Variants in EFCAB11 observed in about 807,000 individuals in gnomAD.
The protein encoded by EFCAB11 is EF-hand calcium-binding domain-containing protein 11.
Under a neutral mutation model 23.0 loss-of-function variants are expected in EFCAB11, and 14 were observed. The ratio of observed to expected loss-of-function variants is 0.61; its 90% CI spans 0.40 to 0.95. EFCAB11 has a LOEUF of 0.95. Among genes scored for constraint, EFCAB11 ranks in the 40% least tolerant of loss-of-function variants. The pLI is 0.00. For synonymous variants in EFCAB11, 65 were observed against 66.6 expected, an observed-to-expected ratio of 0.98 and a Z score of 0.11; for missense variants, 198 against 195.8, an observed-to-expected ratio of 1.01 and a Z score of -0.07.
intron 5 of EFCAB11, among the ~76,000 whole-genome samples, chr14:89,807,664 G>A (rs1190761549): frequency 6.6e-6 from 1 of 152,154 alleles, no homozygotes; most frequent in African/African-American, 2.4e-5. Context: ...CTCAGAGTCA[G>A]AAAATACCAG....
rs1241201851 is a variant in EFCAB11 at position 89,847,002 on chromosome 14, C to T, written c.411-49678G>A. ...GATACATCTATGTCTTAAATATCTCCCTGGATTCCAAATAGCTTATTTAGC... is the reference window on the plus strand; with the variant it reads ...GATACATCTATGTCTTAAATATCTCTCTGGATTCCAAATAGCTTATTTAGC... On this transcript the variant is annotated intron_variant, in intron 5 of 5. Transcript: ENST00000316738. 4.6e-5 allele frequency among the ~76,000 whole-genome samples: 7 copies of T among 152,284 alleles called. 1 individual carries two copies. In the East Asian group the frequency reaches 1.3e-3, roughly 29 times the overall value.
intron 5 of EFCAB11, chr14:89,892,219 C>T (rs367686158): frequency 7.5e-6 from 12 of 1,604,388 alleles, no homozygotes; most frequent in Middle Eastern, 1.6e-4. Context: ...CCCAGGAGGC[C>T]GAGGAGCTAG....
intron 5 of EFCAB11, among the ~76,000 whole-genome samples, chr14:89,820,811 G>A (rs1183832039): frequency 1.3e-5 from 2 of 152,054 alleles, no homozygotes; most frequent in Non-Finnish European, 2.9e-5. Flanking sequence ...GCTAGGCTAT[G>A]ATGCCCAGTT....
chr14:89,927,376 G>A (rs1013437900), intron 5 of EFCAB11, among the ~76,000 whole-genome samples: 2 of 152,202 alleles, frequency 1.3e-5, no homozygotes, highest in Non-Finnish European at 2.9e-5. Context: ...GGCCTAATTA[G>A]AATTCTCCCT....
intron 2 of EFCAB11, among the ~76,000 whole-genome samples, chr14:89,952,892 G>C (rs1056341987): frequency 2.6e-5 from 4 of 152,100 alleles, no homozygotes; most frequent in African/African-American, 9.7e-5. Flanking sequence ...TCTTGAATCT[G>C]GACAATATCT....
chr14:89,798,495 TATTAA>T (rs1885651664), intron 5 of EFCAB11, among the ~76,000 whole-genome samples: 1 of 152,278 alleles, frequency 6.6e-6, no homozygotes. Flanking sequence ...TCATCCCTTT[TATTAA>T]ATTAGATAAT....
intron 5 of EFCAB11, among the ~76,000 whole-genome samples, chr14:89,882,459 T>C (rs1888632077): frequency 6.6e-6 from 1 of 152,346 alleles, no homozygotes; most frequent in Non-Finnish European, 1.5e-5. Flanking sequence ...AGAGATCATC[T>C]GTGAGAAACC....
rs371482633 is a variant in EFCAB11 at position 89,892,227 on chromosome 14, T to C, written c.410+39314A>G. ...GTCTCAGCCCAGGAGGCCGAGGAGC[T>C]AGCTGCCTCCCTGGGCATGGCCTTC... On this transcript the variant is annotated intron_variant, in intron 5 of 5. Coordinates refer to ENST00000316738, the MANE Select transcript of EFCAB11 (RefSeq NM_145231.4). The C allele has an allele frequency of 3.8e-5, 61 of 1,608,904 alleles. 1 individual carries two copies. The East Asian group carries it at 9.4e-4, about 25-fold the overall frequency.
At chr14:89,839,737 A>G (rs1266113647) in intron 5 of EFCAB11, among the ~76,000 whole-genome samples, 5 of 151,762 alleles carry the variant, frequency 3.3e-5, no homozygotes, top group Admixed American at 1.3e-4. Context: ...CAGGAAACTT[A>G]CAATCATGGT....
intron 1 of EFCAB11, 57 bp from the exon 2 acceptor site, chr14:89,954,058 T>C (rs1435205919): frequency 8.2e-6 from 12 of 1,457,216 alleles, no homozygotes; most frequent in Non-Finnish European, 1.0e-5. Flanking sequence ...TTTTTATTAC[T>C]AGTTTATTAT....
chr14:89,851,433 CA>C (rs1422521515), intron 5 of EFCAB11, among the ~76,000 whole-genome samples: 1 of 152,158 alleles, frequency 6.6e-6, no homozygotes, highest in Non-Finnish European at 1.5e-5. Flanking sequence ...AAGGAAAAAA[CA>C]AAACTTGGCT....
chr14:89,800,944 G>A (rs1885756980), intron 5 of EFCAB11, among the ~76,000 whole-genome samples: 1 of 151,716 alleles, frequency 6.6e-6, no homozygotes, highest in African/African-American at 2.4e-5. Flanking sequence ...TCGGGAGGCT[G>A]AGGCAGGAGA....
intron 5 of EFCAB11, among the ~76,000 whole-genome samples, chr14:89,882,982 C>T (rs987508100): frequency 1.3e-5 from 2 of 151,984 alleles, no homozygotes; most frequent in South Asian, 2.1e-4. Context: ...TAAGAAGAGC[C>T]GGGCGCCTCC....
intron 5 of EFCAB11, chr14:89,836,968 G>A (rs1596392503): frequency 2.2e-6 from 1 of 453,638 alleles, no homozygotes; most frequent in Non-Finnish European, 4.4e-6. Context: ...GCTGCAGTGA[G>A]CCAAGACTGT....
chr14:89,916,266 T>C lies in EFCAB11; in HGVS notation c.410+15275A>G, dbSNP rs569351386. Among the ~76,000 whole-genome samples the C allele has an allele frequency of 2.0e-4, 31 of 152,238 alleles. No individual in the cohort carries two copies. The East Asian group carries it at 5.0e-3, about 25-fold the overall frequency. On this transcript the variant is annotated intron_variant, in intron 5 of 5. Coordinates refer to ENST00000316738, the MANE Select transcript of EFCAB11 (RefSeq NM_145231.4). ...ATAAATTTGTAACCCACAGAATAAA[T>C]GGCACCAACTCTATGACAAAACTGG...
chr14:89,868,632 T>C (rs1443054388), intron 5 of EFCAB11, among the ~76,000 whole-genome samples: 1 of 152,238 alleles, frequency 6.6e-6, no homozygotes, highest in Non-Finnish European at 1.5e-5. Flanking sequence ...AGGCCAGTTC[T>C]GGCTACTTTT....
intron 5 of EFCAB11, among the ~76,000 whole-genome samples, chr14:89,900,313 A>T (rs1485915029): frequency 1.3e-5 from 2 of 151,746 alleles, no homozygotes; most frequent in African/African-American, 4.8e-5. Context: ...ACGAATGATT[A>T]AAAAAAAATC....
Position 89,954,616 on chromosome 14 carries a change from G to A in EFCAB11, c.45C>T (p.Ala15=), listed in dbSNP as rs1386129951. 2 of 1,613,652 alleles carry A rather than the reference G, an allele frequency of 1.2e-6. No individual in the cohort carries two copies. Among genetic ancestry groups the A allele is most frequent in the African/African-American group, 2.7e-5 (2 of 74,928 alleles). Residue 15 remains alanine, a synonymous_variant, in exon 1 of 6, where the codon GCC becomes GCT. Coordinates refer to ENST00000316738, the MANE Select transcript of EFCAB11 (RefSeq NM_145231.4). ...EARARSRTWE[A]SPSEHRKWVE... ...CCCACTTCCTGTGTTCCGAGGGACTGGCTTCCCACGTCCGCGACCTGGCTC... is the reference window on the plus strand; with the variant it reads ...CCCACTTCCTGTGTTCCGAGGGACTAGCTTCCCACGTCCGCGACCTGGCTC...
chr14:89,856,310 C>T (rs1887751153), intron 5 of EFCAB11, among the ~76,000 whole-genome samples: 2 of 151,568 alleles, frequency 1.3e-5, no homozygotes, highest in African/African-American at 4.8e-5. Flanking sequence ...TGGCTTAGTC[C>T]CCCAAATAAC....
Sources: gnomAD v4.1 joint callset for allele counts (sites outside exome capture counted in the v4.1 genomes callset) on GRCh38, gnomAD v4.1.1 for gene constraint, MANE v1.5 for transcripts, NCBI Gene and HGNC (gene_info 2026-07-23, HGNC 2026-07-21) for gene names.